Variants in BNC2 observed in about 807,000 individuals in gnomAD.
BNC2 encodes the protein zinc finger protein basonuclin-2.
In BNC2, 20 loss-of-function variants were observed where a neutral mutation model predicts 76.3. The ratio of observed to expected loss-of-function variants is 0.26; its 90% confidence interval spans 0.18 to 0.38. BNC2 has a LOEUF of 0.38. BNC2 is among the 10% of genes least tolerant of loss of function. BNC2 has a pLI of 1.00. For missense variants in BNC2, 1,382 were observed against 1,399.8 expected (o/e 0.99, Z 0.20); for synonymous variants, 582 against 514.8 (o/e 1.13, Z -1.77).
chr9:16,645,219 G>C (rs1344287382), intron 3 of BNC2, among the ~76,000 whole-genome samples: 2 of 152,198 alleles, frequency 1.3e-5, no homozygotes. Flanking sequence ...GGCACAGGGA[G>C]ACAGTCTAGG....
chr9:16,547,822 G>A (rs140953139), intron 5 of BNC2, among the ~76,000 whole-genome samples: 1 of 152,142 alleles, frequency 6.6e-6, no homozygotes, highest in Non-Finnish European at 1.5e-5. Context: ...AAGTGGGAAG[G>A]GTTGGAGAAA....
chr9:16,593,323 C>T (rs1040728604), intron 3 of BNC2, among the ~76,000 whole-genome samples: 1 of 152,048 alleles, frequency 6.6e-6, no homozygotes, highest in African/African-American at 2.4e-5. Flanking sequence ...AAGGGACACA[C>T]ACAGGCATAT....
chr9:16,446,692 C>T (rs763353744), intron 5 of BNC2, among the ~76,000 whole-genome samples: 7 of 152,122 alleles, frequency 4.6e-5, no homozygotes, highest in Admixed American at 6.6e-5. Flanking sequence ...TTCTTGATTA[C>T]GGACCAGATA....
intron 5 of BNC2, among the ~76,000 whole-genome samples, chr9:16,544,158 C>A (rs911191174): frequency 5.9e-5 from 9 of 152,096 alleles, no homozygotes; most frequent in African/African-American, 2.2e-4. Flanking sequence ...ATACAACTTT[C>A]CATCATTTGT....
At chr9:16,479,601 G>A (rs1219163995) in intron 5 of BNC2, among the ~76,000 whole-genome samples, 2 of 152,152 alleles carry the variant, frequency 1.3e-5, no homozygotes, top group Admixed American at 1.3e-4. Flanking sequence ...ACATTTGCTT[G>A]TAAGAGTCTT....
At chr9:16,683,528 G>T (rs1822885625) in intron 3 of BNC2, among the ~76,000 whole-genome samples, 1 of 152,132 alleles carries the variant, frequency 6.6e-6, no homozygotes, top group South Asian at 2.1e-4. Context: ...GAGATGACTG[G>T]CAAGTCCTAT....
intron 4 of BNC2, among the ~76,000 whole-genome samples, chr9:16,573,336 G>A (rs564302237): frequency 2.6e-5 from 4 of 151,974 alleles, no homozygotes; most frequent in South Asian, 2.1e-4. Context: ...GTTTAAAAAC[G>A]TATTTGACAT....
chr9:16,855,531 T>C (rs753950448), intron 1 of BNC2, among the ~76,000 whole-genome samples: 47 of 152,372 alleles, frequency 3.1e-4, no homozygotes, highest in Non-Finnish European at 5.0e-4. Context: ...TAACAATTTT[T>C]AAAAGCATCT....
chr9:16,836,015 A>G (rs1818697785), intron 1 of BNC2, among the ~76,000 whole-genome samples: 3 of 152,186 alleles, frequency 2.0e-5, no homozygotes, highest in African/African-American at 2.4e-5. Context: ...AGCAGGCTGC[A>G]GTACATAATT....
intron 5 of BNC2, among the ~76,000 whole-genome samples, chr9:16,481,551 T>C (rs1163529150): frequency 1.3e-5 from 2 of 152,072 alleles, no homozygotes; most frequent in Non-Finnish European, 2.9e-5. Context: ...GCTGTAACAT[T>C]CACCGCGAGG....
chr9:16,614,958 T>TTAAAAAAAAAAAAAAAAAAAA (rs1820655766), intron 3 of BNC2, among the ~76,000 whole-genome samples: 1 of 62,520 alleles, frequency 1.6e-5, no homozygotes, highest in African/African-American at 6.6e-5. Context: ...TCTGTCTCTT[T>TTAAAAAAAAAAAAAAAAAAAA]AAAAAAAAAA....
chr9:16,492,142 T>C (rs1822292354), intron 5 of BNC2, among the ~76,000 whole-genome samples: 1 of 151,742 alleles, frequency 6.6e-6, no homozygotes, highest in Non-Finnish European at 1.5e-5. Flanking sequence ...TTTCTTTTTT[T>C]TCCCCACCCT....
chr9:16,605,242 T>C (rs973708809), intron 3 of BNC2, among the ~76,000 whole-genome samples: 6 of 152,252 alleles, frequency 3.9e-5, no homozygotes, highest in Non-Finnish European at 8.8e-5. Flanking sequence ...TTTCTACTTA[T>C]TTGCATATTT....
intron 1 of BNC2, among the ~76,000 whole-genome samples, chr9:16,853,059 T>C (rs920200604): frequency 2.6e-5 from 4 of 152,174 alleles, no homozygotes; most frequent in Admixed American, 6.6e-5. Flanking sequence ...AACCTGTGGA[T>C]AGTCTTCTAG....
At chr9:16,540,640 G>A (rs141230690) in intron 5 of BNC2, among the ~76,000 whole-genome samples, 68 of 152,308 alleles carry the variant, frequency 4.5e-4, no homozygotes, top group African/African-American at 1.4e-3. Flanking sequence ...TAATTAAAAT[G>A]TAAAACTTCA....
intron 3 of BNC2, among the ~76,000 whole-genome samples, chr9:16,668,061 G>T (rs561453132): frequency 6.6e-6 from 1 of 152,358 alleles, no homozygotes; most frequent in Admixed American, 6.5e-5. Flanking sequence ...AGACCTGAAA[G>T]ATGAACAGGA....
chr9:16,444,257 A>C (rs529447358), intron 5 of BNC2, among the ~76,000 whole-genome samples: 1 of 152,324 alleles, frequency 6.6e-6, no homozygotes, highest in African/African-American at 2.4e-5. Context: ...CACAGAGTTT[A>C]GAAACAGCTT....
intron 3 of BNC2, among the ~76,000 whole-genome samples, chr9:16,695,907 C>T (rs1320312997): frequency 1.3e-5 from 2 of 152,124 alleles, no homozygotes; most frequent in East Asian, 3.9e-4. Context: ...ACAGCTTTCC[C>T]TGGATTTTTC....
At position 16,804,186 on chromosome 9, in the gene BNC2, T is replaced by C. The variant is rs552798433; in HGVS notation, c.4-65701A>G. ...GGAAAGATTTGCATATGAGTTATTA[T>C]TCTTGTCAATAAAGCATCATAAAAT... On this transcript the variant is annotated intron_variant, in intron 1 of 6. Coordinates refer to ENST00000380672, the MANE Select transcript of BNC2 (RefSeq NM_017637.6). 7.9e-5 allele frequency among the ~76,000 whole-genome samples: 12 copies of C among 152,350 alleles called. No individual in the cohort carries two copies. In the South Asian group the frequency reaches 2.5e-3, roughly 32 times the overall value.
Sources: gnomAD v4.1 joint callset for allele counts (sites outside exome capture counted in the v4.1 genomes callset) on GRCh38, gnomAD v4.1.1 for gene constraint, MANE v1.5 for transcripts, NCBI Gene and HGNC (gene_info 2026-07-23, HGNC 2026-07-21) for gene names.